The following TMPRSS5 variants were observed in gnomAD, a reference collection of about 807,000 sequenced individuals.
TMPRSS5 encodes transmembrane serine protease 5, also known as transmembrane protease serine 5.
In TMPRSS5, 45 loss-of-function variants were observed where a neutral mutation model predicts 59.7. That is an observed-to-expected ratio of 0.75 (90% CI 0.59 to 0.97). TMPRSS5 has a LOEUF of 0.97. Ranked by LOEUF, TMPRSS5 falls within the 50% of genes least tolerant of loss-of-function variation. TMPRSS5 has a pLI of 0.00. For synonymous variants in TMPRSS5, 225 were observed against 232.0 expected, an observed-to-expected ratio of 0.97 and a Z score of 0.27; for missense variants, 585 against 596.7, an observed-to-expected ratio of 0.98 and a Z score of 0.20.
Position 113,690,870 on chromosome 11 carries a change from G to T in TMPRSS5, c.1034C>A (p.Ser345Tyr). ...HFPKGSRCWV[S>Y]GWGHTHPSHT... ...GCTAGGGTGGGTGTGGCCCCAGCCA[G>T]ACACCCAGCACCGCGAGCCCTTCGG... is the stretch of plus-strand genomic sequence containing the variant. The change falls in exon 10 of 13, where the codon TCT becomes TAT. Residue 345 changes from serine (S) to tyrosine (Y), a missense_variant. Physicochemically the swap from Ser to Tyr is moderately radical, Grantham distance 144. Coordinates refer to ENST00000299882, the MANE Select transcript of TMPRSS5 (RefSeq NM_030770.4). The T allele has an allele frequency of 6.3e-7, 1 of 1,595,486 alleles. No homozygotes were observed. The highest frequency in any genetic ancestry group is 8.5e-7 in the Non-Finnish European group (1 of 1,171,892).
chr11:113,699,613 C>T lies in TMPRSS5; in HGVS notation c.187G>A (p.Val63Ile), dbSNP rs1591387292. 1 of 1,579,026 alleles carries T rather than the reference C, an allele frequency of 6.3e-7. No homozygotes were observed. The highest frequency in any genetic ancestry group is 1.2e-5 in the South Asian group (1 of 85,676). Residue 63 changes from valine (V) to isoleucine (I), a missense_variant, in exon 3 of 13, where the codon GTT becomes ATT. Physicochemically the swap from Val to Ile is conservative, Grantham distance 29. Transcript: ENST00000299882. ...GALGLLAGAG[V>I]GSWLLVLYLC... ...CACTGACCTAGGAGCCATGAGCCAA[C>T]ACCTGCACCGGCCAGCAGCCCCAGG... is the stretch of plus-strand genomic sequence containing the variant.
rs1565263921 is a variant in TMPRSS5 at position 113,699,278 on chromosome 11, T to TCCCCC, written c.206-252_206-251insGGGGG. On this transcript the variant is annotated intron_variant, in intron 3 of 12. Transcript: ENST00000299882. Reference sequence around the variant, plus strand: ...CTCTCTCTCTCTCTCTCTCCCTCTCTCTCTCTCTCTCTCTGTCTCTCTCTC... The same window carrying TCCCCC: ...CTCTCTCTCTCTCTCTCTCCCTCTCTCCCCCCTCTCTCTCTCTCTGTCTCTCTCTC... Among the ~76,000 whole-genome samples, 22 of 127,222 alleles carry TCCCCC rather than the reference T, an allele frequency of 1.7e-4. 1 individual carries two copies. The East Asian group carries it at 2.1e-3, about 12-fold the overall frequency. The allele number at this position is 127,222 out of a possible 152,430, so 83.5% of individuals were successfully genotyped here.
Position 113,699,683 on chromosome 11 carries a change from T to A in TMPRSS5, c.117A>T (p.Ala39=), listed in dbSNP as rs4936280. 1.3e-6 allele frequency: 2 copies of A among 1,572,388 alleles called. No individual in the cohort carries two copies. Among genetic ancestry groups the A allele is most frequent in the South Asian group, 1.2e-5 (1 of 85,186 alleles). ...PGDQQHPISQ[A]VCWRSMRRGC... is the part of the protein sequence containing the mutation. Reference sequence around the variant, plus strand: ...CACGTCGCATGGAACGCCAGCACACTGCCTGAGAAACTGTGGGAAAGGGCA... The same window carrying A: ...CACGTCGCATGGAACGCCAGCACACAGCCTGAGAAACTGTGGGAAAGGGCA... The change falls in exon 3 of 13, where the codon GCA becomes GCT. Residue 39 remains alanine, a synonymous_variant. Coordinates refer to ENST00000299882, the MANE Select transcript of TMPRSS5 (RefSeq NM_030770.4).
At chr11:113,689,635 C>T (rs1952703349) in intron 12 of TMPRSS5, 130 bp downstream of exon 12, 1 of 911,198 alleles carries the variant, frequency 1.1e-6, no homozygotes, top group Non-Finnish European at 1.6e-6. Flanking sequence ...TTCCTCCACT[C>T]ACTCTGGGGA....
At chr11:113,703,847 C>T (rs1034301240) in intron 1 of TMPRSS5, among the ~76,000 whole-genome samples, 1 of 152,200 alleles carries the variant, frequency 6.6e-6, no homozygotes, top group Non-Finnish European at 1.5e-5. Flanking sequence ...TTTCCTGAGG[C>T]TTCCCCAGCC....
intron 6 of TMPRSS5, among the ~76,000 whole-genome samples, chr11:113,696,459 GT>G (rs1222301413): frequency 6.6e-6 from 1 of 152,212 alleles, no homozygotes; most frequent in Non-Finnish European, 1.5e-5. Context: ...CAAATAATGT[GT>G]GGCAGGATTC....
At chr11:113,705,611 G>T (rs1433952996) in intron 1 of TMPRSS5, among the ~76,000 whole-genome samples, 1 of 152,218 alleles carries the variant, frequency 6.6e-6, no homozygotes, top group Admixed American at 6.5e-5. Flanking sequence ...GAGGCTGCAG[G>T]ACAGCAGGCT....
rs58784708 is a variant in TMPRSS5 at position 113,691,892 on chromosome 11, CTTTTT to C, written c.965-958_965-954del. On this transcript the variant is annotated intron_variant, in intron 9 of 12. Transcript: ENST00000299882. ...AGAAAGTTTTCTTTTCCTTTTTTTT[CTTTTT>C]TTTTTTTTGAGACGGAGTCTTGCTT... is the stretch of plus-strand genomic sequence containing the variant. Among the ~76,000 whole-genome samples the C allele has an allele frequency of 1.6e-3, 190 of 121,114 alleles. 16 individuals carry two copies. The highest frequency in any genetic ancestry group is 6.7e-3 in the African/African-American group (183 of 27,494). The allele number at this position is 121,114 out of a possible 152,430, so 79.5% of individuals were successfully genotyped here. A position where few individuals can be genotyped will look rare whatever the true frequency, so the allele number is the denominator to read the frequency against.
At chr11:113,691,614 T>C (rs1451007447) in intron 9 of TMPRSS5, among the ~76,000 whole-genome samples, 2 of 152,166 alleles carry the variant, frequency 1.3e-5, no homozygotes, top group East Asian at 1.9e-4. Flanking sequence ...ATAGGTTCTC[T>C]AGTTAGGTAA....
chr11:113,698,225 G>A (rs756179751), intron 4 of TMPRSS5, among the ~76,000 whole-genome samples: 57 of 150,442 alleles, frequency 3.8e-4, no homozygotes, highest in African/African-American at 1.1e-3. Flanking sequence ...TAAACCACCC[G>A]GTCTGTGGTA....
rs1953259101 is a variant in TMPRSS5, at chr11:113,705,200, G to A, written c.3+1022C>T. 4.6e-5 allele frequency among the ~76,000 whole-genome samples: 7 copies of A among 152,294 alleles called. No homozygotes were observed. The South Asian group carries it at 1.5e-3, about 32-fold the overall frequency. On this transcript the variant is annotated intron_variant, in intron 1 of 12. Transcript: ENST00000299882. The stretch of plus-strand genomic sequence containing the variant: ...ATTGGCTTAAATGTGATTTTCATGT[G>A]TCACATGAAATGTTCTTTTCACGCC...
At chr11:113,694,906 G>A (rs1451649966) in intron 7 of TMPRSS5, among the ~76,000 whole-genome samples, 1 of 152,218 alleles carries the variant, frequency 6.6e-6, no homozygotes, top group African/African-American at 2.4e-5. Flanking sequence ...TGCCTGTCCT[G>A]TAGTAAAGGT....
At position 113,697,107 on chromosome 11, in the gene TMPRSS5, C is replaced by T. The variant is rs963600464; in HGVS notation, c.465-136G>A. The T allele has an allele frequency of 7.0e-5, 85 of 1,216,358 alleles. 1 individual carries two copies. In the South Asian group the frequency reaches 1.1e-3, roughly 16 times the overall value. 75.3% of individuals were successfully genotyped at this position (1,216,358 alleles called of 1,614,324 possible). A position where few individuals can be genotyped will look rare whatever the true frequency, so the allele number is the denominator to read the frequency against. On this transcript the variant is annotated intron_variant, in intron 5 of 12. Coordinates refer to ENST00000299882, the MANE Select transcript of TMPRSS5 (RefSeq NM_030770.4). ...ATGCTTGTTAAAAAGCAGTAATACT[C>T]CAAACAGAGAAATGGGCTGGGGCAC... is the stretch of plus-strand genomic sequence containing the variant.
At chr11:113,700,032 C>A in intron 2 of TMPRSS5, 34 bp downstream of exon 2, 1 of 1,552,424 alleles carries the variant, frequency 6.4e-7, no homozygotes, top group South Asian at 1.2e-5. Flanking sequence ...ACTGTCCCCA[C>A]CCTGTCATTC....
intron 9 of TMPRSS5, 67 bp downstream of exon 9, chr11:113,693,004 T>TGCC: frequency 2.4e-6 from 3 of 1,255,766 alleles, no homozygotes; most frequent in Non-Finnish European, 3.4e-6. Context: ...CTCACCACTC[T>TGCC]CCCACCCAGC....
intron 4 of TMPRSS5, 42 bp downstream of exon 4, chr11:113,698,863 C>A: frequency 6.4e-7 from 1 of 1,562,870 alleles, no homozygotes; most frequent in Admixed American, 1.9e-5. Context: ...TGACAGGTCC[C>A]TGCTGGGGAG....
intron 4 of TMPRSS5, 34 bp downstream of exon 4, chr11:113,698,871 G>T: frequency 1.3e-6 from 2 of 1,568,090 alleles, no homozygotes; most frequent in South Asian, 1.2e-5. Flanking sequence ...CCCTGCTGGG[G>T]AGGGAGGCCC....
rs924397124 is a variant in TMPRSS5 at position 113,690,830 on chromosome 11, A to T, written c.1063+11T>A. On this transcript the variant is annotated intron_variant, in intron 10 of 12. Transcript: ENST00000299882. Reference sequence around the variant, plus strand: ...CCGCCCCTGCACCGAGGGCCCAGGGAGCTGACTCACTATGGCTAGGGTGGG... The same window carrying T: ...CCGCCCCTGCACCGAGGGCCCAGGGTGCTGACTCACTATGGCTAGGGTGGG... The T allele has an allele frequency of 5.1e-6, 8 of 1,574,836 alleles. No homozygotes were observed. Among genetic ancestry groups the T allele is most frequent in the Middle Eastern group, 3.3e-4 (2 of 6,036 alleles).
rs149253144 is a variant in TMPRSS5, at chr11:113,697,378, C to T, written c.369G>A (p.Ala123=). ...RINSEDFLLE[A]QVRDQPRWLL... ...GCCAGCGTGGCTGATCCCTCACTTGCGCTTCCAGCAAGAAGTCTTCGCTGT... is the reference window on the plus strand; with the variant it reads ...GCCAGCGTGGCTGATCCCTCACTTGTGCTTCCAGCAAGAAGTCTTCGCTGT... The change falls in exon 5 of 13, where the codon GCG becomes GCA. Residue 123 remains alanine, a synonymous_variant. Transcript: ENST00000299882. 26 of 1,613,848 alleles carry T rather than the reference C, an allele frequency of 1.6e-5. No individual in the cohort carries two copies. The highest frequency in any genetic ancestry group is 3.3e-4 in the Middle Eastern group (2 of 6,056).
Sources: allele counts gnomAD v4.1 joint callset (sites outside exome capture counted in the v4.1 genomes callset), GRCh38; gene constraint gnomAD v4.1.1; transcripts MANE v1.5; gene names NCBI Gene and HGNC (gene_info 2026-07-23, HGNC 2026-07-21).